RALGPS1: variants seen among roughly 807,000 people sequenced by gnomAD.
RALGPS1 encodes Ral GEF with PH domain and SH3 binding motif 1, also known as ras-specific guanine nucleotide-releasing factor RalGPS1.
Under a neutral mutation model 78.8 loss-of-function variants are expected in RALGPS1, and 19 were observed. That is an observed-to-expected ratio of 0.24 (90% CI 0.17 to 0.35). The LOEUF is 0.35. Among genes scored for constraint, RALGPS1 ranks in the 10% least tolerant of loss-of-function variants. The pLI is 1.00. For synonymous variants in RALGPS1, 228 were observed against 256.3 expected, an observed-to-expected ratio of 0.89 and a Z score of 1.06; for missense variants, 454 against 688.3, an observed-to-expected ratio of 0.66 and a Z score of 3.81.
Position 127,195,003 on chromosome 9 carries a change from G to C in RALGPS1, c.911-88G>C, listed in dbSNP as rs1384981505. ...GCCAGTTGCTGTACTTCAAACCCGG[G>C]GCCCACCTCCACACCTCAACCCAGC... On this transcript the variant is annotated intron_variant, in intron 11 of 18. Transcript: ENST00000259351. 6 of 1,517,506 alleles carry C rather than the reference G, an allele frequency of 4.0e-6. No homozygotes were observed. The African/African-American group carries it at 6.9e-5, about 17-fold the overall frequency. 94.0% of individuals were successfully genotyped at this position (1,517,506 alleles called of 1,614,324 possible). A position where few individuals can be genotyped will look rare whatever the true frequency, so the allele number is the denominator to read the frequency against.
intron 8 of RALGPS1, among the ~76,000 whole-genome samples, chr9:127,095,673 G>A (rs2053050900): frequency 6.6e-6 from 1 of 152,166 alleles, no homozygotes; most frequent in African/African-American, 2.4e-5. Flanking sequence ...GTGAGTTGAA[G>A]GGAGGTGCCC....
At chr9:127,056,539 AC>A (rs1200817029) in intron 7 of RALGPS1, among the ~76,000 whole-genome samples, 1 of 152,158 alleles carries the variant, frequency 6.6e-6, no homozygotes, top group Admixed American at 6.5e-5. Flanking sequence ...TTGGCATAGA[AC>A]ATTTAGGAAA....
chr9:127,041,425 A>G (rs1209796331), intron 5 of RALGPS1, among the ~76,000 whole-genome samples: 2 of 152,138 alleles, frequency 1.3e-5, no homozygotes, highest in African/African-American at 4.8e-5. Context: ...ACCTAGGAAC[A>G]CAAGCTAGAT....
intron 5 of RALGPS1, among the ~76,000 whole-genome samples, chr9:127,045,613 C>T (rs945440254): frequency 3.3e-5 from 5 of 152,062 alleles, no homozygotes; most frequent in Non-Finnish European, 7.4e-5. Flanking sequence ...GCTAGAACGA[C>T]CCACGTGGTA....
intron 7 of RALGPS1, among the ~76,000 whole-genome samples, chr9:127,057,978 A>C (rs1213523455): frequency 6.6e-6 from 1 of 152,246 alleles, no homozygotes; most frequent in Non-Finnish European, 1.5e-5. Flanking sequence ...GTGTTAGAGA[A>C]GGCCTTGCTT....
intron 8 of RALGPS1, among the ~76,000 whole-genome samples, chr9:127,138,983 A>G (rs769059212): frequency 6.6e-6 from 1 of 152,084 alleles, no homozygotes; most frequent in Non-Finnish European, 1.5e-5. Flanking sequence ...AGAGATGGGG[A>G]TTCCTGGTTT....
chr9:127,041,093 TC>T (rs1160781803), intron 5 of RALGPS1, among the ~76,000 whole-genome samples: 2 of 139,426 alleles, frequency 1.4e-5, no homozygotes, highest in African/African-American at 5.8e-5. Flanking sequence ...TTTCTTTCTT[TC>T]TTTTTTTTTA....
chr9:126,922,534 C>T (rs1451385385), intron 1 of RALGPS1, among the ~76,000 whole-genome samples: 1 of 152,210 alleles, frequency 6.6e-6, no homozygotes, highest in African/African-American at 2.4e-5. Flanking sequence ...GTGTCTTTCT[C>T]TGGCATAAAG....
chr9:127,208,617 A>G (rs186405417), intron 14 of RALGPS1, among the ~76,000 whole-genome samples: 304 of 152,262 alleles, frequency 2.0e-3, no homozygotes, highest in African/African-American at 6.9e-3. Context: ...CAGGAGCATC[A>G]GAGCATGTGA....
rs868366318 is a variant in RALGPS1 at position 126,953,390 on chromosome 9, T to C, written c.-65-8835T>C. Among the ~76,000 whole-genome samples, 35 of 151,740 alleles carry C rather than the reference T, an allele frequency of 2.3e-4. 1 individual carries two copies. The highest frequency in any genetic ancestry group is 5.1e-4 in the African/African-American group (21 of 41,344). On this transcript the variant is annotated intron_variant, in intron 1 of 18. Transcript: ENST00000259351. ...ACGTGCATGCGTGTGTGTGTGTGTG[T>C]GCGCGTGTGTGTATGTGTAAGGTGA...
intron 1 of RALGPS1, among the ~76,000 whole-genome samples, chr9:126,960,390 C>T (rs1238177025): frequency 7.2e-5 from 11 of 151,806 alleles, no homozygotes; most frequent in Admixed American, 1.3e-4. Context: ...CCTGCCACCA[C>T]GCCCGGCTAA....
At chr9:126,971,012 TAAAAG>T (rs1397782640) in intron 3 of RALGPS1, among the ~76,000 whole-genome samples, 1 of 152,030 alleles carries the variant, frequency 6.6e-6, no homozygotes, top group East Asian at 1.9e-4. Flanking sequence ...GACTTAAAAA[TAAAAG>T]AATTCTTTTG....
intron 11 of RALGPS1, among the ~76,000 whole-genome samples, chr9:127,190,023 G>A (rs959115183): frequency 1.8e-4 from 27 of 152,134 alleles, no homozygotes; most frequent in African/African-American, 5.1e-4. Context: ...CTCACTATCC[G>A]TATTTAATAG....
chr9:127,161,251 A>AT, intron 8 of RALGPS1, among the ~76,000 whole-genome samples: 1 of 152,208 alleles, frequency 6.6e-6, no homozygotes, highest in Non-Finnish European at 1.5e-5. Context: ...AGCTGGGCTC[A>AT]TTCCTCCCAT....
chr9:126,941,379 G>C (rs1327961101), intron 1 of RALGPS1, among the ~76,000 whole-genome samples: 2 of 152,234 alleles, frequency 1.3e-5, no homozygotes, highest in East Asian at 3.9e-4. Context: ...ACCCTGATGT[G>C]ATTATTACAC....
chr9:127,000,349 G>A (rs1378930974), intron 4 of RALGPS1, among the ~76,000 whole-genome samples: 1 of 151,974 alleles, frequency 6.6e-6, no homozygotes, highest in African/African-American at 2.4e-5. Flanking sequence ...TTTCTTCTAA[G>A]TGCTGCTCTA....
intron 4 of RALGPS1, among the ~76,000 whole-genome samples, chr9:127,008,158 A>T (rs1402570346): frequency 6.7e-6 from 1 of 149,196 alleles, no homozygotes; most frequent in Non-Finnish European, 1.5e-5. Context: ...AAAAAAAATG[A>T]TGTGGGGGTG....
At chr9:126,945,966 T>C (rs1219714930) in intron 1 of RALGPS1, among the ~76,000 whole-genome samples, 1 of 152,198 alleles carries the variant, frequency 6.6e-6, no homozygotes, top group African/African-American at 2.4e-5. Context: ...TTTTAGTGTA[T>C]TGTTATGCAA....
intron 14 of RALGPS1, among the ~76,000 whole-genome samples, chr9:127,203,609 A>G (rs1044527237): frequency 6.6e-6 from 1 of 151,944 alleles, no homozygotes; most frequent in Non-Finnish European, 1.5e-5. Flanking sequence ...ACAGTGCACA[A>G]CCCTCTCTGA....
Sources: gnomAD v4.1 joint callset for allele counts (sites outside exome capture counted in the v4.1 genomes callset) on GRCh38, gnomAD v4.1.1 for gene constraint, MANE v1.5 for transcripts, NCBI Gene and HGNC (gene_info 2026-07-23, HGNC 2026-07-21) for gene names.